FANCL: variants seen among roughly 807,000 people sequenced by gnomAD.
The protein encoded by FANCL is E3 ubiquitin-protein ligase FANCL.
Under a neutral mutation model 59.4 loss-of-function variants are expected in FANCL, and 69 were observed. The observed-to-expected ratio is 1.16, with a 90% CI of 0.96 to 1.42. The LOEUF is 1.42. FANCL is among the 40% of genes most tolerant of loss of function. FANCL has a pLI of 0.00. For synonymous variants in FANCL, 180 were observed against 147.1 expected (o/e 1.22, Z -1.62); for missense variants, 519 against 447.2 (o/e 1.16, Z -1.45).
chr2:58,226,696 G>GT lies in FANCL; in HGVS notation c.273+31dup, dbSNP rs754547551. The GT allele has an allele frequency of 1.6e-5, 24 of 1,527,402 alleles. No homozygotes were observed. The African/African-American group carries it at 3.3e-4, about 21-fold the overall frequency. The allele number at this position is 1,527,402 out of a possible 1,614,324, so 94.6% of individuals were successfully genotyped here. On this transcript the variant is annotated intron_variant, in intron 4 of 13. Coordinates refer to ENST00000233741, the MANE Select transcript of FANCL (RefSeq NM_018062.4). ...AAAAGAAATCAAGACTTGCAGTATGGTAACAGTGTCAGAAAAAAAAAAAAT... is the reference window on the plus strand; with the variant it reads ...AAAAGAAATCAAGACTTGCAGTATGGTTAACAGTGTCAGAAAAAAAAAAAAT...
intron 7 of FANCL, among the ~76,000 whole-genome samples, chr2:58,179,194 T>G (rs183300146): frequency 3.3e-4 from 50 of 152,142 alleles, no homozygotes; most frequent in Admixed American, 2.9e-3. Flanking sequence ...TCCCCATCAA[T>G]CTACCACTGG....
chr2:58,196,997 T>C (rs544123428), intron 7 of FANCL, among the ~76,000 whole-genome samples: 2 of 151,778 alleles, frequency 1.3e-5, no homozygotes, highest in East Asian at 3.9e-4. Context: ...AAAAGAAAGC[T>C]ATAAAATTTA....
chr2:58,215,882 G>C (rs568675249), intron 5 of FANCL, among the ~76,000 whole-genome samples: 1 of 151,746 alleles, frequency 6.6e-6, no homozygotes, highest in African/African-American at 2.4e-5. Context: ...AGGATAAAAA[G>C]TCAAGCAGAA....
chr2:58,227,075 C>T (rs1442124603), intron 3 of FANCL, among the ~76,000 whole-genome samples: 2 of 152,194 alleles, frequency 1.3e-5, no homozygotes, highest in Non-Finnish European at 2.9e-5. Flanking sequence ...ACTACTGAAT[C>T]CCTTGTCCCC....
intron 7 of FANCL, among the ~76,000 whole-genome samples, chr2:58,186,351 G>C (rs533550702): frequency 6.6e-6 from 1 of 152,220 alleles, no homozygotes; most frequent in East Asian, 1.9e-4. Flanking sequence ...TTCATCTGTA[G>C]CATACAACAA....
chr2:58,223,549 C>T (rs534248413), intron 4 of FANCL, among the ~76,000 whole-genome samples: 1 of 152,098 alleles, frequency 6.6e-6, no homozygotes, highest in Non-Finnish European at 1.5e-5. Context: ...GTTACTCCTA[C>T]TGTAGAACCG....
chr2:58,199,128 G>A (rs1489879126), intron 6 of FANCL, among the ~76,000 whole-genome samples: 2 of 151,964 alleles, frequency 1.3e-5, no homozygotes, highest in African/African-American at 2.4e-5. Context: ...CACTTTCATA[G>A]TGATGTGAAG....
At chr2:58,213,374 C>T (rs1248167848) in intron 5 of FANCL, 1 of 152,156 alleles carries the variant, frequency 6.6e-6, no homozygotes, top group Non-Finnish European at 1.5e-5. Context: ...TATGTGTGTA[C>T]CAGACCTAAT....
intron 12 of FANCL, 110 bp from the exon 13 acceptor site, chr2:58,160,289 C>A: frequency 8.7e-7 from 1 of 1,153,038 alleles, no homozygotes; most frequent in Middle Eastern, 2.0e-4. Flanking sequence ...TTCCAGAAGA[C>A]TTAGCTTAAT....
At chr2:58,163,798 A>G (rs1173747877) in intron 8 of FANCL, among the ~76,000 whole-genome samples, 1 of 151,992 alleles carries the variant, frequency 6.6e-6, no homozygotes, top group Non-Finnish European at 1.5e-5. Context: ...TTAAATAAAA[A>G]TGTTCTGTGG....
chr2:58,218,927 G>A (rs1692125707), intron 5 of FANCL, among the ~76,000 whole-genome samples: 1 of 150,922 alleles, frequency 6.6e-6, no homozygotes, highest in South Asian at 2.1e-4. Flanking sequence ...ATGTACACGA[G>A]TTAGTATAAA....
Position 58,159,798 on chromosome 2 carries a change from T to G in FANCL, c.1095A>C (p.Pro365=). ...IFGECPYCSK[P]ITLKMSGRKH is the part of the protein sequence containing the mutation. The stretch of plus-strand genomic sequence containing the variant: ...TCCTTCCAGACATTTTTAAGGTAAT[T>G]GGCTTTAAAAAGAGAACATATTTTA... Residue 365 remains proline (P), a splice_region_variant and synonymous_variant, in exon 14 of 14, where the codon CCA becomes CCC. Coordinates refer to ENST00000233741, the MANE Select transcript of FANCL (RefSeq NM_018062.4). The G allele has an allele frequency of 6.2e-7, 1 of 1,612,920 alleles. No individual in the cohort carries two copies. The highest frequency in any genetic ancestry group is 1.1e-5 in the South Asian group (1 of 90,978).
intron 7 of FANCL, among the ~76,000 whole-genome samples, chr2:58,175,648 G>C (rs1446005238): frequency 4.6e-5 from 7 of 152,070 alleles, no homozygotes; most frequent in Non-Finnish European, 8.8e-5. Flanking sequence ...AATAATAAGA[G>C]CTATCTATGA....
At chr2:58,181,221 A>T (rs987062047) in intron 7 of FANCL, among the ~76,000 whole-genome samples, 3 of 152,182 alleles carry the variant, frequency 2.0e-5, no homozygotes, top group Admixed American at 2.0e-4. Flanking sequence ...CTCAGGAATA[A>T]AAAGGAATGA....
intron 5 of FANCL, among the ~76,000 whole-genome samples, chr2:58,212,744 A>G (rs1481537658): frequency 6.6e-6 from 1 of 152,164 alleles, no homozygotes; most frequent in Admixed American, 6.5e-5. Flanking sequence ...TTTGTGAGCC[A>G]GTGTTACACC....
intron 1 of FANCL, among the ~76,000 whole-genome samples, chr2:58,236,243 A>G (rs961315205): frequency 3.3e-5 from 5 of 152,038 alleles, no homozygotes; most frequent in Non-Finnish European, 7.4e-5. Flanking sequence ...AAAAGCAGCC[A>G]GAGGAAAAAA....
At position 58,159,572 on chromosome 2, in the gene FANCL, G is replaced by A; in HGVS notation, c.*193C>T. The A allele has an allele frequency of 6.2e-7, 1 of 1,613,772 alleles. No individual in the cohort carries two copies. The highest frequency in any genetic ancestry group is 8.5e-7 in the Non-Finnish European group (1 of 1,179,794). The stretch of plus-strand genomic sequence containing the variant: ...ATCACAGACTTAGAAAGTTCAACTG[G>A]ACTTTGGCCTACAATTTCCCAGTTT... On this transcript the variant is annotated 3_prime_UTR_variant, in exon 14 of 14. Coordinates refer to ENST00000233741, the MANE Select transcript of FANCL (RefSeq NM_018062.4).
chr2:58,226,631 A>T, intron 4 of FANCL, 97 bp downstream of exon 4: 1 of 886,458 alleles, frequency 1.1e-6, no homozygotes, highest in Middle Eastern at 2.5e-4. Context: ...AGAGTTAAGA[A>T]GACAAATTCT....
intron 5 of FANCL, among the ~76,000 whole-genome samples, chr2:58,207,339 C>G (rs1036375504): frequency 6.6e-6 from 1 of 152,178 alleles, no homozygotes; most frequent in Non-Finnish European, 1.5e-5. Context: ...ACGGTAGCCA[C>G]CAGCCACGTG....
Sources: allele counts gnomAD v4.1 joint callset (sites outside exome capture counted in the v4.1 genomes callset), GRCh38; gene constraint gnomAD v4.1.1; transcripts MANE v1.5; gene names NCBI Gene and HGNC (gene_info 2026-07-23, HGNC 2026-07-21).